Variants in TAF1A observed in about 807,000 individuals in gnomAD.
TAF1A encodes the protein TATA box-binding protein-associated factor RNA polymerase I subunit A.
Under a neutral mutation model 61.6 loss-of-function variants are expected in TAF1A, and 42 were observed. The observed-to-expected ratio is 0.68, with a 90% CI of 0.53 to 0.88. TAF1A has a LOEUF of 0.88. Among genes scored for constraint, TAF1A ranks in the 40% least tolerant of loss-of-function variants. The probability of loss-of-function intolerance (pLI) is 0.00; values close to 1 mark genes in which losing one functional copy is unlikely to be tolerated. For synonymous variants in TAF1A, 179 were observed against 177.7 expected (o/e 1.01, Z -0.06); for missense variants, 424 against 518.7 (o/e 0.82, Z 1.77).
chr1:222,567,016 T>C (rs1190823766), intron 7 of TAF1A, among the ~76,000 whole-genome samples: 1 of 152,168 alleles, frequency 6.6e-6, no homozygotes, highest in Non-Finnish European at 1.5e-5. Context: ...TAGAGCAGCA[T>C]TACTTATAAT....
At chr1:222,560,553 G>A (rs1460358642) in intron 10 of TAF1A, among the ~76,000 whole-genome samples, 1 of 152,156 alleles carries the variant, frequency 6.6e-6, no homozygotes, top group Non-Finnish European at 1.5e-5. Flanking sequence ...GTAGAAAAAT[G>A]ACAATCCAAA....
At position 222,585,879 on chromosome 1, in the gene TAF1A, T is replaced by C. The variant is rs561861768; in HGVS notation, c.122-1582A>G. ...CCATTCCTGTGCTATTTGGACTCCA[T>C]CACATATAAAGTAATATATAGTCAT... On this transcript the variant is annotated intron_variant, in intron 2 of 10. Coordinates refer to ENST00000352967, the MANE Select transcript of TAF1A (RefSeq NM_005681.4). Among the ~76,000 whole-genome samples the C allele has an allele frequency of 4.6e-5, 7 of 152,258 alleles. No individual in the cohort carries two copies. In the South Asian group the frequency reaches 1.5e-3, roughly 32 times the overall value.
Position 222,564,110 on chromosome 1 carries a change from CAATCTGATACAA to C in TAF1A, c.898_909del (p.Leu300_Ile303del). 1 of 1,552,170 alleles carries C rather than the reference CAATCTGATACAA, an allele frequency of 6.4e-7. No individual in the cohort carries two copies. Among genetic ancestry groups the C allele is most frequent in the Non-Finnish European group, 8.8e-7 (1 of 1,130,508 alleles). ...TCCAACATCAATTTATGAGATGGTA[CAATCTGATACAA>C]AATCTGAAAGAAAGAACAGTCTTGT... On this transcript the variant is annotated inframe_deletion, in exon 8 of 11. Transcript: ENST00000352967.
chr1:222,588,680 G>T, intron 1 of TAF1A, 115 bp from the exon 2 acceptor site: 1 of 1,085,918 alleles, frequency 9.2e-7, no homozygotes, highest in Non-Finnish European at 1.3e-6. Context: ...TTAGCAAAAT[G>T]CATTATACCT....
intron 10 of TAF1A, among the ~76,000 whole-genome samples, chr1:222,559,385 G>C (rs147209943): frequency 1.3e-5 from 2 of 152,340 alleles, no homozygotes; most frequent in East Asian, 3.9e-4. Context: ...ATGCTCATTA[G>C]AAGTTCCACC....
Position 222,564,279 on chromosome 1 carries a change from A to G in TAF1A, c.895-154T>C, listed in dbSNP as rs376680218. Among the ~76,000 whole-genome samples the G allele has an allele frequency of 2.0e-5, 3 of 150,942 alleles. No individual in the cohort carries two copies. In the South Asian group the frequency reaches 6.3e-4, roughly 32 times the overall value. On this transcript the variant is annotated intron_variant, in intron 7 of 10. Coordinates refer to ENST00000352967, the MANE Select transcript of TAF1A (RefSeq NM_005681.4). ...TACCCTGGCTCTTTATCTAGTTTCA[A>G]TCTAAGTATAGAAAAGCATTCTCTG...
chr1:222,582,676 G>A (rs1032172412), intron 3 of TAF1A, among the ~76,000 whole-genome samples: 23 of 152,144 alleles, frequency 1.5e-4, no homozygotes, highest in African/African-American at 5.1e-4. Context: ...TCCAATAACC[G>A]AAAAGCAAAA....
rs181318673 is a variant in TAF1A, at chr1:222,578,568, C to G, written c.406-925G>C. 1.1e-4 allele frequency among the ~76,000 whole-genome samples: 16 copies of G among 152,336 alleles called. No individual in the cohort carries two copies. In the East Asian group the frequency reaches 2.9e-3, roughly 28 times the overall value. Reference sequence around the variant, plus strand: ...TCTTTATAACCCCCGCCATGCAGGGCTGCCCTTTCCCCTAATCTGCCTAGT... The same window carrying G: ...TCTTTATAACCCCCGCCATGCAGGGGTGCCCTTTCCCCTAATCTGCCTAGT... On this transcript the variant is annotated intron_variant, in intron 4 of 10. Transcript: ENST00000352967.
At chr1:222,589,692 A>C in intron 1 of TAF1A, 35 bp downstream of exon 1, 1 of 188,982 alleles carries the variant, frequency 5.3e-6, no homozygotes, top group Non-Finnish European at 1.1e-5. Context: ...TTCCATTTAA[A>C]CGCAGGAACC....
chr1:222,555,910 C>A (rs939482895), downstream of TAF1A, among the ~76,000 whole-genome samples: 2 of 152,046 alleles, frequency 1.3e-5, no homozygotes, highest in African/African-American at 4.8e-5. Flanking sequence ...TTAAAATAGT[C>A]GTGACGAATG....
chr1:222,568,117 C>T (rs1247710033), intron 7 of TAF1A, among the ~76,000 whole-genome samples: 1 of 150,292 alleles, frequency 6.7e-6, no homozygotes, highest in Non-Finnish European at 1.5e-5. Context: ...TTGCCACACA[C>T]TACCCACAAA....
In TAF1A at chr1:222,577,429, A is replaced by G. The variant is rs765927147; in HGVS notation, c.604+16T>C. 1.9e-6 allele frequency: 3 copies of G among 1,609,412 alleles called. No homozygotes were observed. Among genetic ancestry groups the G allele is most frequent in the African/African-American group, 2.7e-5 (2 of 74,740 alleles). On this transcript the variant is annotated intron_variant, in intron 5 of 10. Coordinates refer to ENST00000352967, the MANE Select transcript of TAF1A (RefSeq NM_005681.4). ...TCAGTCTCATCATAAGAAAAAGTTT[A>G]CCTGTATTCACTTACCAAGCTTTGA...
Position 222,589,880 on chromosome 1 carries a change from T to C in TAF1A, c.-156A>G. 2.5e-6 allele frequency: 1 copy of C among 396,296 alleles called. No individual in the cohort carries two copies. Among genetic ancestry groups the C allele is most frequent in the Non-Finnish European group, 4.4e-6 (1 of 225,122 alleles). The allele number at this position is 396,296 out of a possible 1,614,324, so 24.5% of individuals were successfully genotyped here. On this transcript the variant is annotated 5_prime_UTR_variant, in exon 1 of 11. Transcript: ENST00000352967. ...TTTAGGCAGCGCGCGGCCCGGCTCG[T>C]AACTCCTCCTGCTGCAGCAGGCGTA... is the stretch of plus-strand genomic sequence containing the variant.
Position 222,562,127 on chromosome 1 carries a change from CTG to C in TAF1A, c.1086-611_1086-610del, listed in dbSNP as rs1385103975. Among the ~76,000 whole-genome samples the C allele has an allele frequency of 8.5e-5, 13 of 152,256 alleles. No individual in the cohort carries two copies. The East Asian group carries it at 2.3e-3, about 27-fold the overall frequency. On this transcript the variant is annotated intron_variant, in intron 9 of 10. Coordinates refer to ENST00000352967, the MANE Select transcript of TAF1A (RefSeq NM_005681.4). The stretch of plus-strand genomic sequence containing the variant: ...GTTAAACTGTTAAGTGCAGGCAATT[CTG>C]TGTGTCTGTGAATAATTTTTTTTAT...
At chr1:222,584,017 G>C in intron 3 of TAF1A, 111 bp downstream of exon 3, 1 of 1,308,346 alleles carries the variant, frequency 7.6e-7, no homozygotes, top group East Asian at 2.4e-5. Flanking sequence ...AGTAGTTTTA[G>C]TAGCTTTTAG....
Position 222,561,347 on chromosome 1 carries a change from G to T in TAF1A, c.1240+17C>A. On this transcript the variant is annotated intron_variant, in intron 10 of 10. Coordinates refer to ENST00000352967, the MANE Select transcript of TAF1A (RefSeq NM_005681.4). ...AGCCAAAGCTGTGTCTAGATAAAAC[G>T]AAAATAAAAACTGTACCTTTTCCTA... 6.3e-7 allele frequency: 1 copy of T among 1,587,732 alleles called. No homozygotes were observed. The highest frequency in any genetic ancestry group is 8.5e-7 in the Non-Finnish European group (1 of 1,170,820).
chr1:222,582,666 T>C (rs192217977), intron 3 of TAF1A, among the ~76,000 whole-genome samples: 31 of 152,282 alleles, frequency 2.0e-4, no homozygotes, highest in African/African-American at 7.2e-4. Context: ...AAGCATTATT[T>C]CCAATAACCG....
At chr1:222,567,823 C>G (rs947732050) in intron 7 of TAF1A, among the ~76,000 whole-genome samples, 1 of 152,104 alleles carries the variant, frequency 6.6e-6, no homozygotes, top group Non-Finnish European at 1.5e-5. Flanking sequence ...CCAAGACTTG[C>G]TACAAAGCTA....
At chr1:222,560,795 G>A (rs1659882489) in intron 10 of TAF1A, among the ~76,000 whole-genome samples, 2 of 151,970 alleles carry the variant, frequency 1.3e-5, no homozygotes, top group African/African-American at 2.4e-5. Flanking sequence ...GTTTCATTTC[G>A]GTACTGGCCA....
Sources: gnomAD v4.1 joint callset for allele counts (sites outside exome capture counted in the v4.1 genomes callset) on GRCh38, gnomAD v4.1.1 for gene constraint, MANE v1.5 for transcripts, NCBI Gene and HGNC (gene_info 2026-07-23, HGNC 2026-07-21) for gene names.